Variants in SLITRK1 observed in about 807,000 individuals in gnomAD.
The protein encoded by SLITRK1 is SLIT and NTRK like family member 1.
A neutral mutation model predicts 42.4 loss-of-function variants in SLITRK1; 10 were observed. The observed-to-expected ratio is 0.24, with a 90% CI of 0.15 to 0.40. The LOEUF is 0.40. Ranked by LOEUF, SLITRK1 falls within the 10% of genes least tolerant of loss-of-function variation. SLITRK1 has a pLI of 1.00. For missense variants in SLITRK1, 778 were observed against 848.8 expected (o/e 0.92, Z 1.04); for synonymous variants, 389 against 365.7 (o/e 1.06, Z -0.73).
chr13:83,880,068 G>A lies in SLITRK1; in HGVS notation c.1440C>T (p.Asn480=). ...MPKLRILILN[N]NLLRSLPVDV... is the part of the protein sequence containing the mutation. Reference sequence around the variant, plus strand: ...CCACAGGCAGGGACCTCAGCAGGTTGTTGTTGAGAATGAGGATCCTCAGTT... The same window carrying A: ...CCACAGGCAGGGACCTCAGCAGGTTATTGTTGAGAATGAGGATCCTCAGTT... Residue 480 remains asparagine (N), a synonymous_variant, in exon 2 of 2, where the codon AAC becomes AAT. Transcript: ENST00000674365. 6.2e-7 allele frequency: 1 copy of A among 1,614,058 alleles called. No individual in the cohort carries two copies. Among genetic ancestry groups the A allele is most frequent in the Non-Finnish European group, 8.5e-7 (1 of 1,180,024 alleles).
chr13:83,881,335 G>T lies in SLITRK1; in HGVS notation c.173C>A (p.Ser58Tyr). The T allele has an allele frequency of 1.9e-6, 3 of 1,614,176 alleles. No individual in the cohort carries two copies. Among genetic ancestry groups the T allele is most frequent in the Non-Finnish European group, 2.5e-6 (3 of 1,180,050 alleles). The change falls in exon 2 of 2, where the codon TCC becomes TAC. Residue 58 changes from serine to tyrosine, a missense_variant. By Grantham distance (144) the Ser-to-Tyr change is moderately radical (BLOSUM62 -2). Coordinates refer to ENST00000674365, the MANE Select transcript of SLITRK1 (RefSeq NM_001281503.2). The stretch of plus-strand genomic sequence containing the variant: ...ATGCAGAAATAAATGGTAAAACTGG[G>T]AAGTCGGGGCAGTGAAACGCTGCAG... The part of the protein sequence containing the change: ...TSLQRFTAPT[S>Y]QFYHLFLHGN...
In SLITRK1 at chr13:83,880,620, C is replaced by T. The variant is rs1485581498; in HGVS notation, c.888G>A (p.Glu296=). 6 of 1,614,014 alleles carry T rather than the reference C, an allele frequency of 3.7e-6. No homozygotes were observed. Among genetic ancestry groups the T allele is most frequent in the Non-Finnish European group, 5.1e-6 (6 of 1,180,046 alleles). ...GAGCAGACCCTGGTGTGGCATGATC[C>T]TCTTGCCCATTTGTCTTGAAAGGAG... The part of the protein sequence containing the change: ...LPTPFKTNGQ[E]DHATPGSAPN... The change falls in exon 2 of 2, where the codon GAG becomes GAA. Residue 296 remains glutamate, a synonymous_variant. Transcript: ENST00000674365.
Position 83,880,695 on chromosome 13 carries a change from GAGACTAGAA to G in SLITRK1, c.804_812del (p.Ser269_Leu271del). The G allele has an allele frequency of 1.2e-6, 2 of 1,614,112 alleles. No homozygotes were observed. Among genetic ancestry groups the G allele is most frequent in the Non-Finnish European group, 1.7e-6 (2 of 1,180,032 alleles). On this transcript the variant is annotated inframe_deletion, in exon 2 of 2. Transcript: ENST00000674365. ...TCTCTTCTTGGGCAGGGGGCGCCGG[GAGACTAGAA>G]TCCACTCGGTTTTTCAAAGGACACA...
At position 83,880,611 on chromosome 13, in the gene SLITRK1, G is replaced by A; in HGVS notation, c.897C>T (p.Ala299=). ...PFKTNGQEDH[A]TPGSAPNGGT... Reference sequence around the variant, plus strand: ...CTCCGTTTGGAGCAGACCCTGGTGTGGCATGATCCTCTTGCCCATTTGTCT... The same window carrying A: ...CTCCGTTTGGAGCAGACCCTGGTGTAGCATGATCCTCTTGCCCATTTGTCT... Residue 299 remains alanine (A), a synonymous_variant, in exon 2 of 2, where the codon GCC becomes GCT. Coordinates refer to ENST00000674365, the MANE Select transcript of SLITRK1 (RefSeq NM_001281503.2). 14 of 1,614,158 alleles carry A rather than the reference G, an allele frequency of 8.7e-6. No homozygotes were observed. Among genetic ancestry groups the A allele is most frequent in the Non-Finnish European group, 1.2e-5 (14 of 1,180,034 alleles).
At position 83,877,232 on chromosome 13, in the gene SLITRK1, A is replaced by G. The variant is rs1318641484; in HGVS notation, c.*2185T>C. The G allele has an allele frequency of 1.3e-5, 2 of 152,230 alleles. No homozygotes were observed. Among genetic ancestry groups the G allele is most frequent in the Non-Finnish European group, 2.9e-5 (2 of 68,048 alleles). The allele number at this position is 152,230 out of a possible 1,614,324, so 9.4% of individuals were successfully genotyped here. A position where few individuals can be genotyped will look rare whatever the true frequency, so the allele number is the denominator to read the frequency against. On this transcript the variant is annotated 3_prime_UTR_variant, in exon 2 of 2. Transcript: ENST00000674365. ...ATGGTTTATAATAAAGATTTTATTAAAAAAGTGTTAAAATAAATAATACAT... is the reference window on the plus strand; with the variant it reads ...ATGGTTTATAATAAAGATTTTATTAGAAAAGTGTTAAAATAAATAATACAT...
In SLITRK1 at chr13:83,881,612, C is replaced by G. The variant is rs1162979438; in HGVS notation, c.-53-52G>C. ...TCATTTAGTGCTCCAATGTCCGAAG[C>G]CAGGAAAGGAGAAGAAAAGGGTTTG... On this transcript the variant is annotated intron_variant, in intron 1 of 1. Transcript: ENST00000674365. The G allele has an allele frequency of 2.8e-5, 38 of 1,347,174 alleles. No homozygotes were observed. In the East Asian group the frequency reaches 8.7e-4, roughly 31 times the overall value. The allele number at this position is 1,347,174 out of a possible 1,614,324, so 83.5% of individuals were successfully genotyped here.
chr13:83,881,490 C>T lies in SLITRK1; in HGVS notation c.18G>A (p.Leu6=). ...CAAAACAAAGAGACGTCTCCAGCAACAGAATCCAAAGCAGCATTTTTAAAG... is the reference window on the plus strand; with the variant it reads ...CAAAACAAAGAGACGTCTCCAGCAATAGAATCCAAAGCAGCATTTTTAAAG... MLLWI[L]LLETSLCFAA... Residue 6 remains leucine, a synonymous_variant, in exon 2 of 2, where the codon CTG becomes CTA. Transcript: ENST00000674365. 1.9e-6 allele frequency: 3 copies of T among 1,614,036 alleles called. No homozygotes were observed. The highest frequency in any genetic ancestry group is 2.5e-6 in the Non-Finnish European group (3 of 1,180,026).
rs1884807781 is a variant in SLITRK1 at position 83,881,243 on chromosome 13, T to G, written c.265A>C (p.Met89Leu). 1 of 1,614,112 alleles carries G rather than the reference T, an allele frequency of 6.2e-7. No homozygotes were observed. The highest frequency in any genetic ancestry group is 8.5e-7 in the Non-Finnish European group (1 of 1,180,034). Residue 89 changes from methionine to leucine, a missense_variant, in exon 2 of 2, where the codon ATG (methionine) becomes CTG (leucine). By Grantham distance (15) the Met-to-Leu change is conservative. Coordinates refer to ENST00000674365, the MANE Select transcript of SLITRK1 (RefSeq NM_001281503.2). ...ATTTCATGCAAGCCATTGTTTTCCA[T>G]GTGCAAACTAACCGCATTATAAAAG... ...ANFYNAVSLHMENNGLHEIVP... is the reference protein window; with the variant it reads ...ANFYNAVSLHLENNGLHEIVP...
chr13:83,878,472 T>G lies in SLITRK1; in HGVS notation c.*945A>C, dbSNP rs1884735319. ...TTAAATAATTACACTGATACTATAA[T>G]AGAAATCATGGGTACTTATTTTACA... On this transcript the variant is annotated 3_prime_UTR_variant, in exon 2 of 2. Coordinates refer to ENST00000674365, the MANE Select transcript of SLITRK1 (RefSeq NM_001281503.2). 6.6e-6 allele frequency: 1 copy of G among 152,436 alleles called. No homozygotes were observed. The allele number at this position is 152,436 out of a possible 1,614,324, so 9.4% of individuals were successfully genotyped here.
At position 83,882,222 on chromosome 13, in the gene SLITRK1, C is replaced by T. The variant is rs1462157356; in HGVS notation, c.-272G>A. 6.0e-6 allele frequency: 1 copy of T among 167,034 alleles called. No homozygotes were observed. Among genetic ancestry groups the T allele is most frequent in the Admixed American group, 6.5e-5 (1 of 15,278 alleles). The allele number at this position is 167,034 out of a possible 1,614,324, so 10.3% of individuals were successfully genotyped here. A position where few individuals can be genotyped will look rare whatever the true frequency, so the allele number is the denominator to read the frequency against. On this transcript the variant is annotated 5_prime_UTR_variant, in exon 1 of 2. Transcript: ENST00000674365. ...GCGTTTTGTGGTTGTCCATCCTTTTCCTTTCCTCCCCTTCGGTCCTCTTAA... is the reference window on the plus strand; with the variant it reads ...GCGTTTTGTGGTTGTCCATCCTTTTTCTTTCCTCCCCTTCGGTCCTCTTAA...
chr13:83,879,186 G>A lies in SLITRK1; in HGVS notation c.*231C>T. The A allele has an allele frequency of 1.8e-6, 1 of 566,884 alleles. No individual in the cohort carries two copies. Among genetic ancestry groups the A allele is most frequent in the Non-Finnish European group, 3.1e-6 (1 of 317,668 alleles). 35.1% of individuals were successfully genotyped at this position (566,884 alleles called of 1,614,324 possible). The stretch of plus-strand genomic sequence containing the variant: ...TCAAAAGGGGCTCTCAGCAAAGAGC[G>A]AGCTGGCTGCGCTCTCCCAGCTCTC... On this transcript the variant is annotated 3_prime_UTR_variant, in exon 2 of 2. Coordinates refer to ENST00000674365, the MANE Select transcript of SLITRK1 (RefSeq NM_001281503.2).
Position 83,879,572 on chromosome 13 carries a change from G to A in SLITRK1, c.1936C>T (p.Arg646Ter), listed in dbSNP as rs1041104860. 1 of 1,613,936 alleles carries A rather than the reference G, an allele frequency of 6.2e-7. No homozygotes were observed. The highest frequency in any genetic ancestry group is 1.3e-5 in the African/African-American group (1 of 74,898). Residue 646 changes from arginine to a stop codon, truncating the protein, a stop_gained, in exon 2 of 2, where the codon CGA (arginine) becomes TGA (stop). Transcript: ENST00000674365. LOFTEE classifies it high-confidence loss of function. Reference protein sequence around the residue: ...VGMLVFILRNRKRSKRRDANS... With the variant: ...VGMLVFILRN ...GCATCTCGTCTCTTGGACCGCTTTC[G>A]GTTCCTCAGGATAAACACGAGCATG... is the stretch of plus-strand genomic sequence containing the variant.
rs773655036 is a variant in SLITRK1 at position 83,880,222 on chromosome 13, T to C, written c.1286A>G (p.Tyr429Cys). The C allele has an allele frequency of 9.3e-6, 15 of 1,613,966 alleles. No homozygotes were observed. The highest frequency in any genetic ancestry group is 1.3e-5 in the Non-Finnish European group (15 of 1,180,000). The change falls in exon 2 of 2, where the codon TAC becomes TGC. Residue 429 changes from tyrosine to cysteine, a missense_variant. This residue lies in a region of SLITRK1 where 395 missense variants were observed against 360.4 expected (regional missense o/e 1.10). Transcript: ENST00000674365. Reference sequence around the variant, plus strand: ...CGTGTCCAGGTAATTGCTATCCATGTATAGCCACCTGAGGTCCAAAAGGTT... The same window carrying C: ...CGTGTCCAGGTAATTGCTATCCATGCATAGCCACCTGAGGTCCAAAAGGTT... ...FKNLLDLRWLYMDSNYLDTLS... is the reference protein window; with the variant it reads ...FKNLLDLRWLCMDSNYLDTLS...
Position 83,879,789 on chromosome 13 carries a change from G to A in SLITRK1, c.1719C>T (p.Ser573=), listed in dbSNP as rs1884771099. ...NFFRKDFMLL[S]NDEICPQLYA... ...ACAGCTGAGGGCAGATCTCGTCATT[G>A]GAGAGGAGCATGAAATCCTTTCTAA... Residue 573 remains serine, a synonymous_variant, in exon 2 of 2, where the codon TCC becomes TCT. Coordinates refer to ENST00000674365, the MANE Select transcript of SLITRK1 (RefSeq NM_001281503.2). The A allele has an allele frequency of 2.5e-6, 4 of 1,614,008 alleles. No homozygotes were observed. The highest frequency in any genetic ancestry group is 3.4e-6 in the Non-Finnish European group (4 of 1,180,008).
At chr13:83,881,756 A>G in intron 1 of SLITRK1, 196 bp from the exon 2 acceptor site, 1 of 431,590 alleles carries the variant, frequency 2.3e-6, no homozygotes, top group African/African-American at 2.1e-5. Context: ...GCAAAGAAAA[A>G]AAAAAAAAAA....
rs770348242 is a variant in SLITRK1 at position 83,880,992 on chromosome 13, G to A, written c.516C>T (p.Asn172=). ...GGGTGATGGGCACATACTGGAACAC[G>A]TTGGCAGGTAGGGTGCTGATGAGAT... The part of the protein sequence containing the change: ...NDNLISTLPA[N]VFQYVPITHL... Residue 172 remains asparagine, a synonymous_variant, in exon 2 of 2, where the codon AAC becomes AAT. Transcript: ENST00000674365. 2 of 1,614,092 alleles carry A rather than the reference G, an allele frequency of 1.2e-6. No individual in the cohort carries two copies. The highest frequency in any genetic ancestry group is 1.7e-6 in the Non-Finnish European group (2 of 1,180,028).
chr13:83,881,256 C>A lies in SLITRK1; in HGVS notation c.252G>T (p.Ala84=). The A allele has an allele frequency of 1.2e-6, 2 of 1,614,036 alleles. No individual in the cohort carries two copies. Among genetic ancestry groups the A allele is most frequent in the Non-Finnish European group, 1.7e-6 (2 of 1,180,022 alleles). ...FPNEFANFYN[A]VSLHMENNGL... is the part of the protein sequence containing the mutation. ...CATTGTTTTCCATGTGCAAACTAAC[C>A]GCATTATAAAAGTTAGCGAACTCAT... is the stretch of plus-strand genomic sequence containing the variant. The change falls in exon 2 of 2, where the codon GCG becomes GCT. Residue 84 remains alanine (A), a synonymous_variant. Coordinates refer to ENST00000674365, the MANE Select transcript of SLITRK1 (RefSeq NM_001281503.2).
In SLITRK1 at chr13:83,880,706, C is replaced by G; in HGVS notation, c.802G>C (p.Asp268His). Reference protein sequence around the residue: ...QDLCPLKNRVDSSLPAPPAQE... With the variant: ...QDLCPLKNRVHSSLPAPPAQE... ...GCAGGGGGCGCCGGGAGACTAGAAT[C>G]CACTCGGTTTTTCAAAGGACACAAG... Residue 268 changes from aspartate (D) to histidine (H), a missense_variant, in exon 2 of 2, where the codon GAT becomes CAT. Physicochemically the swap from Asp to His is moderately conservative, Grantham distance 81. Around this residue, in one of 4 missense-constraint regions of SLITRK1, gnomAD observed 395 missense variants for 360.4 expected, o/e 1.10. Transcript: ENST00000674365. 1.2e-6 allele frequency: 2 copies of G among 1,614,110 alleles called. No individual in the cohort carries two copies. Among genetic ancestry groups the G allele is most frequent in the Non-Finnish European group, 1.7e-6 (2 of 1,180,030 alleles).
Position 83,879,666 on chromosome 13 carries a change from C to T in SLITRK1, c.1842G>A (p.Arg614=), listed in dbSNP as rs1173357558. 1 of 1,613,956 alleles carries T rather than the reference C, an allele frequency of 6.2e-7. No individual in the cohort carries two copies. Among genetic ancestry groups the T allele is most frequent in the African/African-American group, 1.3e-5 (1 of 75,032 alleles). The change falls in exon 2 of 2, where the codon AGG becomes AGA. Residue 614 remains arginine, a synonymous_variant. Coordinates refer to ENST00000674365, the MANE Select transcript of SLITRK1 (RefSeq NM_001281503.2). Reference sequence around the variant, plus strand: ...CCGGGACCAACACCGAGATGGACACCCTGCTGGTGTCTAGGTAGGAGTTGG... The same window carrying T: ...CCGGGACCAACACCGAGATGGACACTCTGCTGGTGTCTAGGTAGGAGTTGG... The part of the protein sequence containing the change: ...THSNSYLDTS[R]VSISVLVPGL...
Sources: allele counts gnomAD v4.1 joint callset, GRCh38; gene constraint gnomAD v4.1.1; regional missense constraint gnomAD v4.1.1; transcripts MANE v1.5; gene names NCBI Gene and HGNC (gene_info 2026-07-23, HGNC 2026-07-21).